Variants in RBFOX1 observed in about 807,000 individuals in gnomAD.
RBFOX1 encodes RNA binding protein fox-1 homolog 1.
A neutral mutation model predicts 57.7 loss-of-function variants in RBFOX1; 8 were observed. The ratio of observed to expected loss-of-function variants is 0.14; its 90% confidence interval spans 0.08 to 0.25. The LOEUF is 0.25. Among genes scored for constraint, RBFOX1 ranks in the 10% least tolerant of loss-of-function variants. The pLI is 1.00. For missense variants in RBFOX1, 611 were observed against 548.5 expected (o/e 1.11, Z -1.14); for synonymous variants, 326 against 222.4 (o/e 1.47, Z -4.15).
intron 1 of RBFOX1, among the ~76,000 whole-genome samples, chr16:5,388,963 G>C (rs1428373701): frequency 6.6e-6 from 1 of 151,422 alleles, no homozygotes; most frequent in Non-Finnish European, 1.5e-5. Flanking sequence ...AGGCCGAGGT[G>C]GGCAGATCAC....
chr16:6,506,784 T>G (rs921923381), intron 2 of RBFOX1, among the ~76,000 whole-genome samples: 3 of 151,908 alleles, frequency 2.0e-5, no homozygotes, highest in Admixed American at 6.6e-5. Flanking sequence ...GAAGCTGGGA[T>G]TACAGGCACC....
intron 4 of RBFOX1, among the ~76,000 whole-genome samples, chr16:7,097,888 A>G (rs1319913429): frequency 6.6e-6 from 1 of 152,232 alleles, no homozygotes; most frequent in African/African-American, 2.4e-5. Context: ...AATAAATCAT[A>G]GTGCCTCACA....
chr16:6,180,817 C>T (rs2097057365), intron 1 of RBFOX1, among the ~76,000 whole-genome samples: 3 of 152,230 alleles, frequency 2.0e-5, no homozygotes, highest in Non-Finnish European at 2.9e-5. Flanking sequence ...CTACCTGCCT[C>T]GGCCTCCCAA....
chr16:5,718,710 C>T (rs11642545), intron 3 of RBFOX1, among the ~76,000 whole-genome samples: 17,728 of 152,168 alleles, frequency 0.12, 1,394 homozygotes, highest in Non-Finnish European at 0.18. Flanking sequence ...AGTTTGAGAC[C>T]AGCCTGGCCG....
intron 1 of RBFOX1, among the ~76,000 whole-genome samples, chr16:6,283,428 C>G (rs997607440): frequency 6.6e-6 from 1 of 152,116 alleles, no homozygotes; most frequent in Non-Finnish European, 1.5e-5. Context: ...CTGTTTTTAT[C>G]CCAGTCCTTC....
rs536209714 is a variant in RBFOX1, at chr16:5,462,176, T to C, written c.220-5040T>C. ...AGTTTCTTTCTTTCTTTCTTTTTTT[T>C]TTTTTTTTTTGAGATGGAGTCTCGC... On this transcript the variant is annotated intron_variant, in intron 1 of 2. Coordinates refer to the RBFOX1 transcript ENST00000585867. Among the ~76,000 whole-genome samples the C allele has an allele frequency of 5.4e-5, 8 of 148,808 alleles. No individual in the cohort carries two copies. In the East Asian group the frequency reaches 1.6e-3, roughly 29 times the overall value.
chr16:7,065,680 T>G (rs1193328483), intron 4 of RBFOX1, among the ~76,000 whole-genome samples: 2 of 152,184 alleles, frequency 1.3e-5, no homozygotes, highest in African/African-American at 4.8e-5. Flanking sequence ...ATTTACGCTC[T>G]CAGCAGTTTT....
intron 3 of RBFOX1, among the ~76,000 whole-genome samples, chr16:6,817,322 G>A (rs2090295542): frequency 6.6e-6 from 1 of 152,164 alleles, no homozygotes. Flanking sequence ...CCTCTCCCAT[G>A]TACGAGGACC....
At chr16:6,963,919 C>G (rs943744770) in intron 3 of RBFOX1, among the ~76,000 whole-genome samples, 4 of 151,860 alleles carry the variant, frequency 2.6e-5, no homozygotes, top group Non-Finnish European at 2.9e-5. Flanking sequence ...AAGACGGTGT[C>G]GATCTCCTGA....
intron 2 of RBFOX1, among the ~76,000 whole-genome samples, chr16:6,331,071 C>A (rs2082962196): frequency 6.6e-6 from 1 of 152,138 alleles, no homozygotes; most frequent in African/African-American, 2.4e-5. Flanking sequence ...GTTAGTAATA[C>A]TTGTGTTTTT....
chr16:7,511,068 C>T (rs543103502), intron 4 of RBFOX1, among the ~76,000 whole-genome samples: 1 of 152,130 alleles, frequency 6.6e-6, no homozygotes, highest in Admixed American at 6.5e-5. Context: ...CACACACATA[C>T]CCACACAGGA....
At chr16:6,999,225 A>ATT (rs200620958) in intron 3 of RBFOX1, among the ~76,000 whole-genome samples, 4 of 122,956 alleles carry the variant, frequency 3.3e-5, no homozygotes, top group South Asian at 2.7e-4. Flanking sequence ...TATTTTTTTT[A>ATT]TTTATTTTTT....
chr16:7,227,446 T>C, intron 4 of RBFOX1, among the ~76,000 whole-genome samples: 1 of 152,144 alleles, frequency 6.6e-6, no homozygotes, highest in East Asian at 1.9e-4. Context: ...ACCGTATTAA[T>C]AAAGCACTTA....
chr16:6,189,993 A>G (rs1049248226), intron 1 of RBFOX1, among the ~76,000 whole-genome samples: 4 of 152,090 alleles, frequency 2.6e-5, no homozygotes, highest in African/African-American at 9.7e-5. Context: ...TCATAGTTTG[A>G]GGTCTTAGAT....
chr16:5,604,973 T>G (rs764946036), downstream of RBFOX1, among the ~76,000 whole-genome samples: 1 of 152,160 alleles, frequency 6.6e-6, no homozygotes, highest in Non-Finnish European at 1.5e-5. Context: ...GTGATCTGTG[T>G]TGTTCAGAGG....
chr16:5,699,006 G>A (rs1449869720), intron 3 of RBFOX1, among the ~76,000 whole-genome samples: 2 of 59,594 alleles, frequency 3.4e-5, no homozygotes, highest in Admixed American at 3.5e-4. Flanking sequence ...TTTTTTTTTT[G>A]AGACAGAGTC....
intron 4 of RBFOX1, among the ~76,000 whole-genome samples, chr16:7,128,102 C>T (rs548060744): frequency 6.6e-6 from 1 of 152,308 alleles, no homozygotes; most frequent in African/African-American, 2.4e-5. Flanking sequence ...CAGCTCCAGG[C>T]TTACTTTCTA....
chr16:6,833,853 G>C (rs1417756651), intron 3 of RBFOX1, among the ~76,000 whole-genome samples: 1 of 152,120 alleles, frequency 6.6e-6, no homozygotes, highest in Non-Finnish European at 1.5e-5. Context: ...GAGTGGTGCA[G>C]ACTGAGGAGA....
At chr16:6,600,981 T>C (rs541181598) in intron 2 of RBFOX1, among the ~76,000 whole-genome samples, 1 of 152,290 alleles carries the variant, frequency 6.6e-6, no homozygotes, top group Non-Finnish European at 1.5e-5. Flanking sequence ...AATGTGATTA[T>C]AGTCAGAGCT....
Sources: gnomAD v4.1 joint callset for allele counts (sites outside exome capture counted in the v4.1 genomes callset) on GRCh38, gnomAD v4.1.1 for gene constraint, MANE v1.5 for transcripts, NCBI Gene and HGNC (gene_info 2026-07-23, HGNC 2026-07-21) for gene names.